Variants in FAM53B observed in about 807,000 individuals in gnomAD.
FAM53B encodes the protein family with sequence similarity 53 member B, also known as protein FAM53B.
A neutral mutation model predicts 32.7 loss-of-function variants in FAM53B; 12 were observed. The observed-to-expected ratio is 0.37, with a 90% CI of 0.24 to 0.59. The LOEUF (loss-of-function observed/expected upper bound fraction) is 0.59. Among genes scored for constraint, FAM53B ranks in the 20% least tolerant of loss-of-function variants. The probability of loss-of-function intolerance (pLI) is 0.72; values close to 1 mark genes in which losing one functional copy is unlikely to be tolerated. For synonymous variants in FAM53B, 234 were observed against 228.7 expected, an observed-to-expected ratio of 1.02 and a Z score of -0.21; for missense variants, 477 against 577.7, an observed-to-expected ratio of 0.83 and a Z score of 1.79.
chr10:124,692,391 T>A (rs1412993651), intron 3 of FAM53B, among the ~76,000 whole-genome samples: 1 of 152,118 alleles, frequency 6.6e-6, no homozygotes, highest in Admixed American at 6.5e-5. Flanking sequence ...GGGCGTGAAG[T>A]GCTTTTAATT....
intron 1 of FAM53B, among the ~76,000 whole-genome samples, chr10:124,730,179 T>G (rs1250668397): frequency 1.3e-5 from 2 of 152,366 alleles, no homozygotes; most frequent in East Asian, 3.9e-4. Flanking sequence ...GACCATGTAT[T>G]TCCCATTCCA....
At chr10:124,669,127 G>A (rs911879122) in intron 4 of FAM53B, among the ~76,000 whole-genome samples, 7 of 152,270 alleles carry the variant, frequency 4.6e-5, no homozygotes, top group Non-Finnish European at 8.8e-5. Flanking sequence ...CAAGGGCTCA[G>A]AGGTCTTCAG....
chr10:124,625,020 C>T (rs1272114416), intron 4 of FAM53B, among the ~76,000 whole-genome samples: 1 of 152,200 alleles, frequency 6.6e-6, no homozygotes, highest in Non-Finnish European at 1.5e-5. Context: ...GGCCTTGGAG[C>T]ACCCGCCGCC....
At chr10:124,722,020 C>A (rs1241615134) in intron 1 of FAM53B, among the ~76,000 whole-genome samples, 1 of 152,088 alleles carries the variant, frequency 6.6e-6, no homozygotes, top group Non-Finnish European at 1.5e-5. Flanking sequence ...ACAGAGGAGA[C>A]TAGAGGCTGG....
At chr10:124,680,500 T>C (rs1174640520) in intron 4 of FAM53B, among the ~76,000 whole-genome samples, 2 of 152,268 alleles carry the variant, frequency 1.3e-5, no homozygotes, top group South Asian at 4.2e-4. Context: ...GCATGTTCTT[T>C]GTAAAAGGAA....
At chr10:124,725,558 T>C (rs1950096152) in intron 1 of FAM53B, among the ~76,000 whole-genome samples, 1 of 152,224 alleles carries the variant, frequency 6.6e-6, no homozygotes, top group Admixed American at 6.5e-5. Flanking sequence ...CTCTGTCAGC[T>C]CGACCCAAAT....
chr10:124,694,438 A>G (rs1189145041), intron 3 of FAM53B, among the ~76,000 whole-genome samples: 1 of 152,232 alleles, frequency 6.6e-6, no homozygotes, highest in Non-Finnish European at 1.5e-5. Flanking sequence ...ACCTGGCCCT[A>G]CAAGGGCGAC....
rs1009751159 is a variant in FAM53B at position 124,620,933 on chromosome 10, G to A, written c.*2309C>T. On this transcript the variant is annotated 3_prime_UTR_variant, in exon 5 of 5. Coordinates refer to ENST00000337318, the MANE Select transcript of FAM53B (RefSeq NM_014661.4). ...GTCGATGGGACCAGCTTGCGGGGAG[G>A]TGGGGAGGTGGCTGTGACTCAGCCA... 6.6e-6 allele frequency: 1 copy of A among 152,194 alleles called. No individual in the cohort carries two copies. Among genetic ancestry groups the A allele is most frequent in the African/African-American group, 2.4e-5 (1 of 41,420 alleles). The allele number at this position is 152,194 out of a possible 1,614,324, so 9.4% of individuals were successfully genotyped here.
chr10:124,723,283 G>A (rs763770558), intron 1 of FAM53B, among the ~76,000 whole-genome samples: 2 of 152,220 alleles, frequency 1.3e-5, no homozygotes, highest in Non-Finnish European at 2.9e-5. Context: ...CAATCACCAC[G>A]TTAAGTCAAG....
intron 3 of FAM53B, among the ~76,000 whole-genome samples, chr10:124,693,136 A>G (rs1949846116): frequency 6.6e-6 from 1 of 152,192 alleles, no homozygotes; most frequent in African/African-American, 2.4e-5. Flanking sequence ...ACCCTCTTGA[A>G]AAGTCTAGCC....
intron 1 of FAM53B, among the ~76,000 whole-genome samples, chr10:124,729,600 G>C (rs1234781888): frequency 6.6e-6 from 1 of 152,200 alleles, no homozygotes; most frequent in Non-Finnish European, 1.5e-5. Context: ...TACAGAGGGA[G>C]TGGGCATTGT....
intron 1 of FAM53B, among the ~76,000 whole-genome samples, chr10:124,732,841 AAAAT>A (rs1950153025): frequency 6.6e-6 from 1 of 152,126 alleles, no homozygotes; most frequent in South Asian, 2.1e-4. Context: ...AAAAAAAAAA[AAAAT>A]CTTTTTTTCC....
At chr10:124,625,507 G>A (rs368850934) in intron 4 of FAM53B, among the ~76,000 whole-genome samples, 17 of 152,238 alleles carry the variant, frequency 1.1e-4, no homozygotes, top group East Asian at 5.8e-4. Context: ...TGGAGACGGC[G>A]ACCCCTGCAC....
chr10:124,643,825 G>A (rs926373715), intron 4 of FAM53B, among the ~76,000 whole-genome samples: 1 of 152,216 alleles, frequency 6.6e-6, no homozygotes, highest in Non-Finnish European at 1.5e-5. Context: ...TCCTGGAGCG[G>A]CCAGCAGGCT....
chr10:124,738,467 C>T (rs1386796761), intron 1 of FAM53B, among the ~76,000 whole-genome samples: 1 of 151,824 alleles, frequency 6.6e-6, no homozygotes, highest in Non-Finnish European at 1.5e-5. Flanking sequence ...GGCCCCAGCA[C>T]GCTCCTACAA....
At chr10:124,681,147 C>A (rs566740008) in intron 4 of FAM53B, among the ~76,000 whole-genome samples, 19 of 152,286 alleles carry the variant, frequency 1.2e-4, no homozygotes, top group African/African-American at 4.6e-4. Flanking sequence ...AGGAATAAGT[C>A]CCCCCAATCG....
At chr10:124,652,800 C>T (rs138009177) in intron 4 of FAM53B, among the ~76,000 whole-genome samples, 32 of 152,274 alleles carry the variant, frequency 2.1e-4, no homozygotes, top group African/African-American at 6.3e-4. Flanking sequence ...ACCCAGGGAA[C>T]GGCCGAGCAA....
chr10:124,717,120 TG>T (rs1226133051), intron 1 of FAM53B, among the ~76,000 whole-genome samples: 1 of 152,142 alleles, frequency 6.6e-6, no homozygotes, highest in Non-Finnish European at 1.5e-5. Flanking sequence ...ACTTAGGGGA[TG>T]GGGGCTCTGG....
Position 124,709,701 on chromosome 10 carries a change from T to C in FAM53B, c.-174-2814A>G, listed in dbSNP as rs143811983. Among the ~76,000 whole-genome samples, 123 of 152,296 alleles carry C rather than the reference T, an allele frequency of 8.1e-4. 3 individuals are homozygous for C. In the South Asian group the frequency reaches 0.023, roughly 28 times the overall value. On this transcript the variant is annotated intron_variant, in intron 1 of 4. Transcript: ENST00000337318. ...GGTGTTGTTACATAAGGGAATACCA[T>C]GTGGCCTTCAAAAATATTTTAATGA...
Sources: gnomAD v4.1 joint callset for allele counts (sites outside exome capture counted in the v4.1 genomes callset) on GRCh38, gnomAD v4.1.1 for gene constraint, MANE v1.5 for transcripts, NCBI Gene and HGNC (gene_info 2026-07-23, HGNC 2026-07-21) for gene names.